The following GALNT9 variants were observed in gnomAD, a reference collection of about 807,000 sequenced individuals.
GALNT9 encodes the protein GalNAc transferase 9.
In GALNT9, 47 loss-of-function variants were observed where a neutral mutation model predicts 63.1. The ratio of observed to expected loss-of-function variants is 0.75; its 90% CI spans 0.59 to 0.95. The LOEUF is 0.95. Ranked by LOEUF, GALNT9 falls within the 40% of genes least tolerant of loss-of-function variation. The probability of loss-of-function intolerance (pLI) is 0.00; values close to 1 mark genes in which losing one functional copy is unlikely to be tolerated. For synonymous variants in GALNT9, 396 were observed against 365.7 expected (o/e 1.08, Z -0.94); for missense variants, 829 against 874.8 (o/e 0.95, Z 0.66).
intron 2 of GALNT9, among the ~76,000 whole-genome samples, chr12:132,264,366 C>A (rs1388888864): frequency 6.6e-6 from 1 of 152,236 alleles, no homozygotes; most frequent in East Asian, 1.9e-4. Context: ...CATGAAGAAG[C>A]CGAGCCGGGA....
Position 132,262,522 on chromosome 12 carries a change from C to A in GALNT9, c.523G>T (p.Val175Phe), listed in dbSNP as rs1879435267. ...AGGAGCTGGGAGGGCGTGTGGTTGA[C>A]CACGCTGTGCACGGAGCGCAGGATG... ...SVILRSVHSV[V>F]NHTPSQLLKE... is the part of the protein sequence containing the mutation. Residue 175 changes from valine to phenylalanine, a missense_variant, in exon 3 of 11, where the codon GTC (valine) becomes TTC (phenylalanine). By Grantham distance (50) the Val-to-Phe change is conservative. Transcript: ENST00000328957. 1 of 1,551,460 alleles carries A rather than the reference C, an allele frequency of 6.4e-7. No homozygotes were observed. Among genetic ancestry groups the A allele is most frequent in the African/African-American group, 1.4e-5 (1 of 73,186 alleles).
At chr12:132,311,080 A>G (rs1371836560) in intron 1 of GALNT9, among the ~76,000 whole-genome samples, 1 of 152,236 alleles carries the variant, frequency 6.6e-6, no homozygotes, top group African/African-American at 2.4e-5. Context: ...GATTTAAACA[A>G]CAACATCAAC....
chr12:132,246,596 G>A lies in GALNT9; in HGVS notation c.1077+1314C>T, dbSNP rs946460438. On this transcript the variant is annotated intron_variant, in intron 6 of 10. Transcript: ENST00000328957. The surrounding 1 kb of genome is among the most constrained non-coding windows in gnomAD (Gnocchi z 4.7). ...CACCCAGGCTGGAGTGCAGTGATGC[G>A]ATCTCAGCTCACTGCAATTTCCGCC... Among the ~76,000 whole-genome samples the A allele has an allele frequency of 1.3e-5, 2 of 152,118 alleles. No homozygotes were observed. The highest frequency in any genetic ancestry group is 2.4e-5 in the African/African-American group (1 of 41,402).
At chr12:132,207,657 A>C (rs146576718) in intron 6 of GALNT9, among the ~76,000 whole-genome samples, 1 of 152,106 alleles carries the variant, frequency 6.6e-6, no homozygotes, top group Non-Finnish European at 1.5e-5. Context: ...GAGTCGGCCA[A>C]CTTCCATCAT....
At chr12:132,214,106 G>A (rs796980963) in intron 6 of GALNT9, among the ~76,000 whole-genome samples, 12 of 152,326 alleles carry the variant, frequency 7.9e-5, no homozygotes, top group African/African-American at 2.9e-4. Context: ...ATTACCAGGA[G>A]GGGCACTGAC....
intron 2 of GALNT9, among the ~76,000 whole-genome samples, chr12:132,263,781 C>A (rs782006228): frequency 6.6e-6 from 1 of 152,218 alleles, no homozygotes; most frequent in African/African-American, 2.4e-5. Flanking sequence ...GCCCCACAGG[C>A]ACCGGCTGGG....
chr12:132,256,294 A>G (rs1879106302), intron 5 of GALNT9, among the ~76,000 whole-genome samples: 1 of 150,660 alleles, frequency 6.6e-6, no homozygotes, highest in South Asian at 2.1e-4. Context: ...TCACGCAGAC[A>G]CTCTCTTCCA....
intron 1 of GALNT9, among the ~76,000 whole-genome samples, chr12:132,290,950 T>A (rs1311802975): frequency 2.3e-5 from 1 of 43,384 alleles, no homozygotes. Context: ...ACCACCCACA[T>A]CCACAGCGCC....
intron 1 of GALNT9, among the ~76,000 whole-genome samples, chr12:132,314,350 T>C (rs577359738): frequency 5.3e-5 from 8 of 152,254 alleles, no homozygotes; most frequent in African/African-American, 1.9e-4. Flanking sequence ...TCTGTCTCCA[T>C]CTTTGCTAAC....
At chr12:132,209,410 C>T (rs966299751) in intron 6 of GALNT9, among the ~76,000 whole-genome samples, 2 of 151,998 alleles carry the variant, frequency 1.3e-5, no homozygotes, top group Admixed American at 6.6e-5. Context: ...ATTAGCTGGG[C>T]ATGGTGGCGT....
At chr12:132,312,810 G>C (rs184210537) in intron 1 of GALNT9, among the ~76,000 whole-genome samples, 5 of 152,278 alleles carry the variant, frequency 3.3e-5, no homozygotes, top group Admixed American at 3.3e-4. Flanking sequence ...GGCAGCAGAG[G>C]CTCCACGTCT....
At chr12:132,308,411 G>A (rs922695770) in intron 1 of GALNT9, among the ~76,000 whole-genome samples, 19 of 152,334 alleles carry the variant, frequency 1.2e-4, no homozygotes, top group Admixed American at 2.0e-4. Context: ...ACCCTGCCCC[G>A]GGCCCCAGCG....
chr12:132,261,841 T>C (rs1463130256), intron 3 of GALNT9, among the ~76,000 whole-genome samples: 1 of 152,176 alleles, frequency 6.6e-6, no homozygotes, highest in Non-Finnish European at 1.5e-5. Flanking sequence ...AGATCCTTGT[T>C]TGGGGTTTCA....
At position 132,282,132 on chromosome 12, in the gene GALNT9, GTCCCCGA is replaced by G. The variant is rs1566011721; in HGVS notation, c.419+4111_419+4117del. Among the ~76,000 whole-genome samples, 20 of 136,894 alleles carry G rather than the reference GTCCCCGA, an allele frequency of 1.5e-4. No individual in the cohort carries two copies. Among genetic ancestry groups the G allele is most frequent in the African/African-American group, 5.6e-4 (18 of 32,268 alleles). 89.8% of individuals were successfully genotyped at this position (136,894 alleles called of 152,430 possible). On this transcript the variant is annotated intron_variant, in intron 2 of 10. Transcript: ENST00000328957. This position sits in a 1 kb window ranked among gnomAD's most constrained non-coding sequence, Gnocchi z 4.5. ...CACTACAGCAAGGCCAGGCCTGGGG[GTCCCCGA>G]TCCCACAGAGGAGGAATCAGCTCCA...
At chr12:132,202,416 A>G (rs75586234) in intron 7 of GALNT9, among the ~76,000 whole-genome samples, 6,309 of 152,276 alleles carry the variant, frequency 0.041, 434 homozygotes, top group African/African-American at 0.14. Flanking sequence ...TGGGGGCTGG[A>G]TGCTGGATTT....
Position 132,252,503 on chromosome 12 carries a change from C to T in GALNT9, c.960-4476G>A, listed in dbSNP as rs1878961201. Among the ~76,000 whole-genome samples the T allele has an allele frequency of 6.6e-6, 1 of 152,126 alleles. No individual in the cohort carries two copies. The highest frequency in any genetic ancestry group is 1.5e-5 in the Non-Finnish European group (1 of 68,020). On this transcript the variant is annotated intron_variant, in intron 5 of 10. Transcript: ENST00000328957. The surrounding 1 kb of genome is among the most constrained non-coding windows in gnomAD (Gnocchi z 5.2). ...CGGGTGTTCTCCCCGTGTGCAGAGA[C>T]AAGAGATTGTCAGAAATAAAGACAC...
At position 132,199,540 on chromosome 12, in the gene GALNT9, C is replaced by T. The variant is rs537489033; in HGVS notation, c.1402-271G>A. On this transcript the variant is annotated intron_variant, in intron 8 of 10. Coordinates refer to ENST00000328957, the MANE Select transcript of GALNT9 (RefSeq NM_001122636.2). ...ACTTGAGCAGCAGGGACGACGGCCCCAGGCTGTGGAGTGGCTTCCCTGCCT... is the reference window on the plus strand; with the variant it reads ...ACTTGAGCAGCAGGGACGACGGCCCTAGGCTGTGGAGTGGCTTCCCTGCCT... Among the ~76,000 whole-genome samples, 11 of 152,276 alleles carry T rather than the reference C, an allele frequency of 7.2e-5. No individual in the cohort carries two copies. The East Asian group carries it at 2.1e-3, about 29-fold the overall frequency.
intron 1 of GALNT9, among the ~76,000 whole-genome samples, chr12:132,323,426 A>T (rs1555246288): frequency 1.3e-5 from 2 of 152,108 alleles, no homozygotes; most frequent in African/African-American, 2.4e-5. Flanking sequence ...TTAGGAACTC[A>T]TCTCCCCCAA....
At chr12:132,292,642 G>A (rs1880905192) in intron 1 of GALNT9, among the ~76,000 whole-genome samples, 1 of 152,218 alleles carries the variant, frequency 6.6e-6, no homozygotes, top group Non-Finnish European at 1.5e-5. Context: ...AAAGTCTCGA[G>A]GCCCCACTGA....
Sources: allele counts gnomAD v4.1 joint callset (sites outside exome capture counted in the v4.1 genomes callset), GRCh38; gene constraint gnomAD v4.1.1; non-coding constraint Gnocchi (gnomAD v3.1); transcripts MANE v1.5; gene names NCBI Gene and HGNC (gene_info 2026-07-23, HGNC 2026-07-21).